Variants in COL25A1 observed in about 807,000 individuals in gnomAD.
The protein encoded by COL25A1 is collagen type XXV alpha 1 chain, also known as collagen alpha-1(XXV) chain.
Under a neutral mutation model 128.4 loss-of-function variants are expected in COL25A1, and 103 were observed. The ratio of observed to expected loss-of-function variants is 0.80; its 90% CI spans 0.68 to 0.94. The LOEUF (loss-of-function observed/expected upper bound fraction) is 0.94, where lower values mean the gene tolerates loss of function less well. Ranked by LOEUF, COL25A1 falls within the 40% of genes least tolerant of loss-of-function variation. COL25A1 has a pLI of 0.00. For synonymous variants in COL25A1, 279 were observed against 277.2 expected, an observed-to-expected ratio of 1.01 and a Z score of -0.06; for missense variants, 745 against 840.0, an observed-to-expected ratio of 0.89 and a Z score of 1.40.
intron 6 of COL25A1, among the ~76,000 whole-genome samples, chr4:108,989,329 A>C (rs950761047): frequency 6.6e-6 from 1 of 152,096 alleles, no homozygotes; most frequent in Non-Finnish European, 1.5e-5. Flanking sequence ...TGCAAGTAGT[A>C]ATGTTTCCTT....
intron 3 of COL25A1, among the ~76,000 whole-genome samples, chr4:109,143,043 G>A (rs1350125077): frequency 1.3e-5 from 2 of 152,248 alleles, no homozygotes; most frequent in East Asian, 1.9e-4. Flanking sequence ...GCAGTGGCTG[G>A]TACTGGTTTT....
At chr4:109,001,388 T>TGTCAGGTAGGCATCTGAGATCCC (rs1755368483) in intron 6 of COL25A1, among the ~76,000 whole-genome samples, 2 of 152,196 alleles carry the variant, frequency 1.3e-5, no homozygotes, top group Non-Finnish European at 2.9e-5. Flanking sequence ...TCTGAGATCC[T>TGTCAGGTAGGCATCTGAGATCCC]GTCAGGTAGG....
intron 3 of COL25A1, among the ~76,000 whole-genome samples, chr4:109,125,210 G>A (rs1296172547): frequency 6.6e-6 from 1 of 152,166 alleles, no homozygotes; most frequent in Non-Finnish European, 1.5e-5. Context: ...AAGGCAGGTA[G>A]TAGATGGCTA....
chr4:108,817,265 G>T, intron 37 of COL25A1, 132 bp downstream of exon 37: 1 of 797,028 alleles, frequency 1.3e-6, no homozygotes, highest in Non-Finnish European at 2.1e-6. Flanking sequence ...TAAATATACT[G>T]ATCAAAAGAT....
intron 16 of COL25A1, among the ~76,000 whole-genome samples, chr4:108,890,246 C>T (rs1005429955): frequency 1.3e-5 from 2 of 152,176 alleles, no homozygotes; most frequent in African/African-American, 4.8e-5. Flanking sequence ...GAAAAAGCCA[C>T]GCAGCAGATC....
intron 3 of COL25A1, among the ~76,000 whole-genome samples, chr4:109,289,140 T>C (rs1321764362): frequency 3.3e-5 from 5 of 152,100 alleles, no homozygotes; most frequent in Non-Finnish European, 7.4e-5. Context: ...CTGATTCTGA[T>C]TCTTTGAGAG....
At chr4:109,033,780 C>A (rs572242512) in intron 5 of COL25A1, among the ~76,000 whole-genome samples, 1 of 152,200 alleles carries the variant, frequency 6.6e-6, no homozygotes, top group African/African-American at 2.4e-5. Flanking sequence ...ATATCTTTTA[C>A]ACCAAACATC....
intron 11 of COL25A1, among the ~76,000 whole-genome samples, chr4:108,928,506 T>TTATTTATGTATTTATTTATG (rs1553970535): frequency 7.2e-6 from 1 of 138,958 alleles, no homozygotes; most frequent in African/African-American, 2.9e-5. Context: ...TTAATTTTAT[T>TTATTTATGTATTTATTTATG]TATTTATGTA....
intron 3 of COL25A1, among the ~76,000 whole-genome samples, chr4:109,206,878 G>C (rs766719607): frequency 1.3e-5 from 2 of 152,134 alleles, no homozygotes; most frequent in East Asian, 1.9e-4. Flanking sequence ...ATACATCAGC[G>C]ACCTCTGAGG....
chr4:109,242,862 C>T (rs1407737414), intron 3 of COL25A1, among the ~76,000 whole-genome samples: 1 of 152,016 alleles, frequency 6.6e-6, no homozygotes, highest in East Asian at 1.9e-4. Flanking sequence ...ACAGTCAAGT[C>T]ACTTAAGACA....
intron 19 of COL25A1, among the ~76,000 whole-genome samples, chr4:108,869,467 C>T (rs1421424728): frequency 6.6e-6 from 1 of 152,158 alleles, no homozygotes; most frequent in Non-Finnish European, 1.5e-5. Flanking sequence ...TACAGGTAAC[C>T]TGCGGGCTCA....
intron 3 of COL25A1, among the ~76,000 whole-genome samples, chr4:109,289,167 T>G (rs1010678763): frequency 6.6e-6 from 1 of 152,118 alleles, no homozygotes; most frequent in Non-Finnish European, 1.5e-5. Flanking sequence ...TATAACTGTG[T>G]AAGTTGTAGA....
At chr4:109,048,211 G>C in intron 4 of COL25A1, 36 bp from the exon 5 acceptor site, 1 of 1,598,194 alleles carries the variant, frequency 6.3e-7, no homozygotes, top group Non-Finnish European at 8.6e-7. Context: ...AAGAGAGAGA[G>C]AGGAGTTAGT....
intron 3 of COL25A1, among the ~76,000 whole-genome samples, chr4:109,217,337 T>C (rs1778068837): frequency 6.6e-6 from 1 of 152,190 alleles, no homozygotes; most frequent in South Asian, 2.1e-4. Context: ...TGTTTATTCC[T>C]TTGGCCATCT....
At chr4:109,106,479 G>A (rs755268136) in intron 3 of COL25A1, among the ~76,000 whole-genome samples, 4 of 151,934 alleles carry the variant, frequency 2.6e-5, no homozygotes, top group Admixed American at 6.6e-5. Flanking sequence ...ACAGATTTGT[G>A]ATTAAGACTG....
At chr4:109,199,228 A>G (rs1776358779) in intron 3 of COL25A1, among the ~76,000 whole-genome samples, 4 of 152,216 alleles carry the variant, frequency 2.6e-5, no homozygotes. Flanking sequence ...TTTTAGAGTG[A>G]TAATTGGCAA....
At chr4:109,241,160 T>C (rs56074515) in intron 3 of COL25A1, among the ~76,000 whole-genome samples, 72,150 of 151,668 alleles carry the variant, frequency 0.48, 17,928 homozygotes, top group East Asian at 0.58. Flanking sequence ...AGGTTTTTTG[T>C]TTGGTTTAGT....
chr4:109,093,916 G>A (rs1253554650), intron 3 of COL25A1, among the ~76,000 whole-genome samples: 1 of 150,860 alleles, frequency 6.6e-6, no homozygotes, highest in Admixed American at 6.6e-5. Flanking sequence ...AAAAAAAAAA[G>A]TTTTTAACCA....
chr4:108,896,265 A>C (rs538228838), intron 16 of COL25A1, among the ~76,000 whole-genome samples: 29 of 152,046 alleles, frequency 1.9e-4, no homozygotes, highest in African/African-American at 6.7e-4. Context: ...TGTAAATCTC[A>C]TTCCAATCCT....
Sources: gnomAD v4.1 joint callset for allele counts (sites outside exome capture counted in the v4.1 genomes callset) on GRCh38, gnomAD v4.1.1 for gene constraint, MANE v1.5 for transcripts, NCBI Gene and HGNC (gene_info 2026-07-23, HGNC 2026-07-21) for gene names.